The following ABCA4 variants were observed in gnomAD, a reference collection of about 807,000 sequenced individuals.
ABCA4 encodes ATP binding cassette subfamily A member 4.
In ABCA4, 196 loss-of-function variants were observed where a neutral mutation model predicts 263.7. That is an observed-to-expected ratio of 0.74 (90% CI 0.66 to 0.84). ABCA4 has a LOEUF of 0.84. Ranked by LOEUF, ABCA4 falls within the 40% of genes least tolerant of loss-of-function variation. ABCA4 has a pLI of 0.00. For synonymous variants in ABCA4, 1,133 were observed against 1,094.2 expected, an observed-to-expected ratio of 1.04 and a Z score of -0.70; for missense variants, 2,792 against 2,855.1, an observed-to-expected ratio of 0.98 and a Z score of 0.50.
At chr1:94,043,530 G>T in intron 20 of ABCA4, 55 bp from the exon 21 acceptor site, 1 of 1,608,556 alleles carries the variant, frequency 6.2e-7, no homozygotes, top group Non-Finnish European at 8.5e-7. Flanking sequence ...ACTTCCAGCA[G>T]CTGATCTTAC....
intron 35 of ABCA4, among the ~76,000 whole-genome samples, chr1:94,020,309 G>A (rs1307776967): frequency 6.6e-6 from 1 of 152,188 alleles, no homozygotes; most frequent in East Asian, 1.9e-4. Flanking sequence ...AAGGCATCTG[G>A]CTGAGGGGTA....
At chr1:94,000,727 G>T in intron 47 of ABCA4, 109 bp downstream of exon 47, 1 of 1,193,966 alleles carries the variant, frequency 8.4e-7, no homozygotes, top group Non-Finnish European at 1.3e-6. Context: ...ACCTGCCTCT[G>T]CCCCAGGGGA....
At chr1:94,032,576 C>T (rs1304511577) in intron 26 of ABCA4, among the ~76,000 whole-genome samples, 1 of 152,096 alleles carries the variant, frequency 6.6e-6, no homozygotes, top group African/African-American at 2.4e-5. Context: ...GTGGAGGTTG[C>T]GTAAGCCGAG....
chr1:94,001,673 T>C (rs1190040794), intron 45 of ABCA4, 185 bp downstream of exon 45: 1 of 882,382 alleles, frequency 1.1e-6, no homozygotes, highest in East Asian at 2.7e-5. Context: ...CCGTGACTTG[T>C]TTTTCTCCGG....
At chr1:94,055,512 G>A (rs183571073) in intron 15 of ABCA4, among the ~76,000 whole-genome samples, 197 bp from the exon 16 acceptor site, 113 of 152,240 alleles carry the variant, frequency 7.4e-4, no homozygotes, top group African/African-American at 2.6e-3. Context: ...CTGCAAACAA[G>A]AGAGTCTCTA....
In ABCA4 at chr1:94,037,247, G is replaced by A. The variant is rs1303664995; in HGVS notation, c.3711C>T (p.Asn1237=). ...GGCTGGCATATGCTCTGTGCTTGAA[G>A]TTCTTATTTGGAAGAAGGAAGATAA... ...QELIFLLPNK[N]FKHRAYASLF... Residue 1237 remains asparagine, a synonymous_variant, in exon 25 of 50, where the codon AAC becomes AAT. Coordinates refer to ENST00000370225, the MANE Select transcript of ABCA4 (RefSeq NM_000350.3). The A allele has an allele frequency of 1.2e-6, 2 of 1,614,110 alleles. No homozygotes were observed. Among genetic ancestry groups the A allele is most frequent in the Admixed American group, 1.7e-5 (1 of 60,016 alleles).
chr1:94,100,688 G>A (rs1044016777), intron 5 of ABCA4, among the ~76,000 whole-genome samples: 5 of 152,186 alleles, frequency 3.3e-5, no homozygotes, highest in South Asian at 4.1e-4. Context: ...TGGAGAGAGG[G>A]AATGGTGAGG....
Position 93,997,886 on chromosome 1 carries a change from G to C in ABCA4, c.6704C>G (p.Ser2235Ter). The C allele has an allele frequency of 1.9e-6, 3 of 1,614,108 alleles. No homozygotes were observed. The highest frequency in any genetic ancestry group is 2.5e-6 in the Non-Finnish European group (3 of 1,180,008). Reference sequence around the variant, plus strand: ...CTGGTCCAGTGTGGTCTGTGTGACTGAGTACTCCTCGATGAGCAGGCTGTC... The same window carrying C: ...CTGGTCCAGTGTGGTCTGTGTGACTCAGTACTCCTCGATGAGCAGGCTGTC... ...HKDSLLIEEY[S>*]VTQTTLDQVF... Residue 2235 changes from serine (S) to a stop codon, truncating the protein, a stop_gained, in exon 48 of 50, where the codon TCA becomes TGA. Transcript: ENST00000370225. LOFTEE classifies it high-confidence loss of function.
chr1:94,094,462 G>T (rs1490400893), intron 6 of ABCA4, among the ~76,000 whole-genome samples: 2 of 152,198 alleles, frequency 1.3e-5, no homozygotes, highest in Non-Finnish European at 2.9e-5. Flanking sequence ...CAACAGAGCA[G>T]TGGTTGGGGG....
chr1:94,086,201 G>A (rs1661820628), intron 6 of ABCA4, among the ~76,000 whole-genome samples: 2 of 152,138 alleles, frequency 1.3e-5, no homozygotes, highest in South Asian at 2.1e-4. Context: ...TTATACACCT[G>A]ATACTCCATG....
At chr1:94,097,801 G>A (rs1232359964) in intron 6 of ABCA4, among the ~76,000 whole-genome samples, 3 of 152,184 alleles carry the variant, frequency 2.0e-5, no homozygotes, top group African/African-American at 4.8e-5. Flanking sequence ...CCAGGCTGGA[G>A]TGCAGTGGCG....
chr1:94,021,777 G>C, intron 33 of ABCA4, 63 bp from the exon 34 acceptor site: 1 of 1,605,224 alleles, frequency 6.2e-7, no homozygotes, highest in East Asian at 2.2e-5. Flanking sequence ...TATCACTCAT[G>C]AGAGTTTCTC....
intron 6 of ABCA4, among the ~76,000 whole-genome samples, chr1:94,085,574 A>T (rs1412336060): frequency 6.6e-6 from 1 of 151,900 alleles, no homozygotes. Context: ...CTCCCTTCCA[A>T]TGCATTGTGG....
At chr1:94,059,406 G>C (rs1229488333) in intron 14 of ABCA4, 2 of 152,198 alleles carry the variant, frequency 1.3e-5, no homozygotes, top group Non-Finnish European at 2.9e-5. Context: ...TAGGACTCTA[G>C]CACAGAGCAT....
chr1:93,996,038 C>A, intron 49 of ABCA4, 71 bp downstream of exon 49: 1 of 1,437,122 alleles, frequency 7.0e-7, no homozygotes. Context: ...GCAACTCAAG[C>A]CCAGTGAACC....
In ABCA4 at chr1:94,098,872, G is replaced by T. The variant is rs763596438; in HGVS notation, c.690C>A (p.Cys230Ter). 1 of 1,614,174 alleles carries T rather than the reference G, an allele frequency of 6.2e-7. No individual in the cohort carries two copies. The highest frequency in any genetic ancestry group is 1.1e-5 in the South Asian group (1 of 91,084). ...ACTGTAGGGTGCCCTGGGAGAGGGA[G>T]CACAGGGCATAGCGCACCGTCTTTG... ...RGAKTVRYALCSLSQGTLQWI... is the reference protein window; with the variant it reads ...RGAKTVRYAL The change falls in exon 6 of 50, where the codon TGC (cysteine) becomes TGA (stop). Residue 230 changes from cysteine (C) to a stop codon, truncating the protein, a stop_gained. Coordinates refer to ENST00000370225, the MANE Select transcript of ABCA4 (RefSeq NM_000350.3). LOFTEE classifies it high-confidence loss of function.
chr1:94,070,696 G>A (rs1426760805), intron 11 of ABCA4, among the ~76,000 whole-genome samples: 5 of 152,178 alleles, frequency 3.3e-5, no homozygotes, highest in East Asian at 1.9e-4. Context: ...AAGAAGGCCC[G>A]AAACATAGGA....
chr1:94,083,468 T>G (rs777667394), intron 6 of ABCA4, 27 bp from the exon 7 acceptor site: 3 of 1,554,046 alleles, frequency 1.9e-6, no homozygotes, highest in Non-Finnish European at 2.7e-6. Context: ...AACAATTTTT[T>G]AAATATATAT....
At chr1:94,016,552 G>A (rs561476792) in intron 36 of ABCA4, among the ~76,000 whole-genome samples, 2 of 152,276 alleles carry the variant, frequency 1.3e-5, no homozygotes, top group African/African-American at 4.8e-5. Context: ...CACTGTTCAG[G>A]TGTATAGGTC....
Sources: gnomAD v4.1 joint callset for allele counts (sites outside exome capture counted in the v4.1 genomes callset) on GRCh38, gnomAD v4.1.1 for gene constraint, MANE v1.5 for transcripts, NCBI Gene and HGNC (gene_info 2026-07-23, HGNC 2026-07-21) for gene names.